Variants in DEPDC5 observed in about 807,000 individuals in gnomAD.
DEPDC5 encodes GATOR1 complex protein DEPDC5.
Under a neutral mutation model 217.3 loss-of-function variants are expected in DEPDC5, and 73 were observed. That is an observed-to-expected ratio of 0.34 (90% CI 0.28 to 0.41). DEPDC5 has a LOEUF of 0.41. DEPDC5 is among the 10% of genes least tolerant of loss of function. The pLI is 1.00. For missense variants in DEPDC5, 1,675 were observed against 2,070.1 expected, an observed-to-expected ratio of 0.81 and a Z score of 3.70; for synonymous variants, 733 against 756.7, an observed-to-expected ratio of 0.97 and a Z score of 0.51.
At chr22:31,900,444 A>G (rs2093628632) in intron 40 of DEPDC5, among the ~76,000 whole-genome samples, 1 of 152,136 alleles carries the variant, frequency 6.6e-6, no homozygotes, top group Non-Finnish European at 1.5e-5. Flanking sequence ...GGTAATACAA[A>G]AAAGTGGGGG....
At chr22:31,756,780 G>T (rs2081972592) in intron 2 of DEPDC5, among the ~76,000 whole-genome samples, 1 of 151,842 alleles carries the variant, frequency 6.6e-6, no homozygotes, top group African/African-American at 2.4e-5. Flanking sequence ...AATTAGCCAG[G>T]TGTGGTGGTG....
intron 21 of DEPDC5, 72 bp downstream of exon 21, chr22:31,815,284 A>G: frequency 6.5e-7 from 1 of 1,546,356 alleles, no homozygotes; most frequent in Admixed American, 1.7e-5. Flanking sequence ...AGGTGGGAGG[A>G]TTGGTCAGAG....
chr22:31,889,702 G>A (rs545633381), intron 38 of DEPDC5, among the ~76,000 whole-genome samples: 7 of 151,912 alleles, frequency 4.6e-5, no homozygotes, highest in Non-Finnish European at 7.4e-5. Flanking sequence ...CACCATGCCC[G>A]GCTAATTTTT....
intron 41 of DEPDC5, among the ~76,000 whole-genome samples, chr22:31,904,377 A>T (rs2093719131): frequency 1.3e-5 from 2 of 152,214 alleles, no homozygotes; most frequent in South Asian, 4.1e-4. Flanking sequence ...AATGAGGTAA[A>T]AAAAAATTAC....
chr22:31,861,331 C>T (rs1337060839), intron 32 of DEPDC5, 37 bp from the exon 33 acceptor site: 1 of 1,547,342 alleles, frequency 6.5e-7, no homozygotes, highest in Non-Finnish European at 8.7e-7. Context: ...CGCTTCCTTG[C>T]AACTGCTGCT....
At chr22:31,852,567 G>A (rs994986128) in intron 31 of DEPDC5, among the ~76,000 whole-genome samples, 2 of 151,992 alleles carry the variant, frequency 1.3e-5, no homozygotes, top group African/African-American at 4.8e-5. Context: ...TTGAACTCCC[G>A]ACCTCAGGTG....
At chr22:31,886,841 TGG>T in intron 38 of DEPDC5, among the ~76,000 whole-genome samples, 1 of 132,796 alleles carries the variant, frequency 7.5e-6, no homozygotes, top group Middle Eastern at 6.5e-3. Context: ...GAGGCCAAGG[TGG>T]GCGGATCACA....
chr22:31,758,354 C>A (rs928110020), intron 2 of DEPDC5, among the ~76,000 whole-genome samples, 192 bp from the exon 3 acceptor site: 1 of 152,140 alleles, frequency 6.6e-6, no homozygotes, highest in Non-Finnish European at 1.5e-5. Flanking sequence ...GAGCGCCATC[C>A]CACTCTGCTG....
chr22:31,808,830 G>T lies in DEPDC5; in HGVS notation c.1288-781G>T, dbSNP rs979608980. ...TCTACCTGTCTCGGCTTCCCAAAGT[G>T]CTGGGATTACAGGCATGAGCCTTTG... On this transcript the variant is annotated intron_variant, in intron 18 of 42. Transcript: ENST00000651528. Among the ~76,000 whole-genome samples the T allele has an allele frequency of 3.3e-5, 5 of 152,202 alleles. No homozygotes were observed. In the East Asian group the frequency reaches 9.6e-4, roughly 29 times the overall value.
In DEPDC5 at chr22:31,856,271, G is replaced by T. The variant is rs1206524029; in HGVS notation, c.3156-1174G>T. Among the ~76,000 whole-genome samples the T allele has an allele frequency of 7.3e-5, 11 of 151,472 alleles. No homozygotes were observed. The East Asian group carries it at 1.7e-3, about 24-fold the overall frequency. ...CACACACACTTCATTGCCTATGGCA[G>T]CCCATGCAGCTGGGGCTGTCCCTGA... On this transcript the variant is annotated intron_variant, in intron 31 of 42. Transcript: ENST00000651528.
chr22:31,798,038 A>G (rs1470790230), intron 13 of DEPDC5, among the ~76,000 whole-genome samples: 1 of 151,538 alleles, frequency 6.6e-6, no homozygotes, highest in East Asian at 1.9e-4. Context: ...CTCCTGCCTC[A>G]GCCTCCCGGG....
intron 24 of DEPDC5, among the ~76,000 whole-genome samples, chr22:31,829,261 G>A (rs1176166372): frequency 6.6e-6 from 1 of 152,228 alleles, no homozygotes; most frequent in East Asian, 1.9e-4. Flanking sequence ...GACTGGCGCG[G>A]TGTCTGACGC....
At chr22:31,788,796 G>A (rs1170334820) in intron 10 of DEPDC5, among the ~76,000 whole-genome samples, 1 of 151,768 alleles carries the variant, frequency 6.6e-6, no homozygotes, top group South Asian at 2.1e-4. Flanking sequence ...GGGTGGTCTC[G>A]AACTTCTGAC....
intron 24 of DEPDC5, among the ~76,000 whole-genome samples, chr22:31,826,897 GTT>G (rs74267286): frequency 1.3e-4 from 18 of 140,252 alleles, no homozygotes; most frequent in Admixed American, 2.2e-4. Flanking sequence ...ATTATACATA[GTT>G]TTTTTTTTTT....
chr22:31,791,962 T>G, intron 10 of DEPDC5, 71 bp from the exon 11 acceptor site: 1 of 709,646 alleles, frequency 1.4e-6, no homozygotes, highest in South Asian at 1.8e-5. Context: ...GAATATTATA[T>G]GCATGCAGTC....
At chr22:31,786,024 T>A (rs767540745) in intron 10 of DEPDC5, among the ~76,000 whole-genome samples, 1 of 152,060 alleles carries the variant, frequency 6.6e-6, no homozygotes, top group Non-Finnish European at 1.5e-5. Flanking sequence ...CTCAGCACTT[T>A]GGGAGGCCGA....
intron 37 of DEPDC5, among the ~76,000 whole-genome samples, chr22:31,877,768 A>C (rs1035312984): frequency 2.0e-5 from 3 of 150,268 alleles, no homozygotes; most frequent in Non-Finnish European, 1.5e-5. Flanking sequence ...AAAAAAAAAA[A>C]AAAAAACAGC....
chr22:31,878,547 G>GA (rs113310189), intron 37 of DEPDC5, among the ~76,000 whole-genome samples: 1,560 of 134,144 alleles, frequency 0.012, 24 homozygotes, highest in African/African-American at 0.03. Context: ...ATCTCTACAG[G>GA]AAAAAAAAAA....
chr22:31,809,766 G>C, intron 19 of DEPDC5, 119 bp downstream of exon 19: 1 of 983,478 alleles, frequency 1.0e-6, no homozygotes, highest in Non-Finnish European at 1.5e-6. Context: ...GATCACCTGA[G>C]GTCAGGAGTT....
Sources: gnomAD v4.1 joint callset for allele counts (sites outside exome capture counted in the v4.1 genomes callset) on GRCh38, gnomAD v4.1.1 for gene constraint, MANE v1.5 for transcripts, NCBI Gene and HGNC (gene_info 2026-07-23, HGNC 2026-07-21) for gene names.